Variants in HOMER1 observed in about 807,000 individuals in gnomAD.
HOMER1 encodes homer protein homolog 1.
A neutral mutation model predicts 48.9 loss-of-function variants in HOMER1; 3 were observed. The observed-to-expected ratio is 0.06, with a 90% CI of 0.03 to 0.16. HOMER1 has a LOEUF of 0.16. HOMER1 is among the 10% of genes least tolerant of loss of function. The probability of loss-of-function intolerance (pLI) is 1.00; values close to 1 mark genes in which losing one functional copy is unlikely to be tolerated. For synonymous variants in HOMER1, 134 were observed against 146.4 expected (o/e 0.92, Z 0.61); for missense variants, 247 against 411.4 (o/e 0.60, Z 3.46).
intron 8 of HOMER1, 66 bp from the exon 9 acceptor site, chr5:79,376,263 T>C (rs1296072172): frequency 2.6e-6 from 3 of 1,167,100 alleles, no homozygotes; most frequent in African/African-American, 1.5e-5. Context: ...TACAACTCTC[T>C]GTTATTACCA....
intron 5 of HOMER1, among the ~76,000 whole-genome samples, chr5:79,423,850 A>G (rs1750171415): frequency 6.6e-6 from 1 of 152,070 alleles, no homozygotes; most frequent in East Asian, 1.9e-4. Flanking sequence ...TGTGAACACG[A>G]CTAGTGGCAC....
At chr5:79,393,000 C>A (rs1749294248) in intron 8 of HOMER1, among the ~76,000 whole-genome samples, 1 of 132,772 alleles carries the variant, frequency 7.5e-6, no homozygotes. Context: ...GAGAGCCATC[C>A]AGAATAAAAC....
rs773810465 is a variant in HOMER1 at position 79,447,152 on chromosome 5, GTA to G, written c.295-9_295-8del. On this transcript the variant is annotated splice_region_variant and splice_polypyrimidine_tract_variant and intron_variant, in intron 3 of 8. Coordinates refer to ENST00000334082, the MANE Select transcript of HOMER1 (RefSeq NM_004272.5). ...CCTGAAACTTTTCTGCAAACTGAATGTATAGAGACTACATACATTAACCAAAT... is the reference window on the plus strand; with the variant it reads ...CCTGAAACTTTTCTGCAAACTGAATGTAGAGACTACATACATTAACCAAAT... The G allele has an allele frequency of 1.9e-6, 3 of 1,572,684 alleles. No individual in the cohort carries two copies. The highest frequency in any genetic ancestry group is 2.6e-6 in the Non-Finnish European group (3 of 1,143,186).
chr5:79,380,532 T>G (rs1203015574), intron 8 of HOMER1, among the ~76,000 whole-genome samples: 2 of 152,122 alleles, frequency 1.3e-5, no homozygotes, highest in African/African-American at 4.8e-5. Flanking sequence ...TTCCCACACA[T>G]CAGCCAAGGC....
intron 1 of HOMER1, among the ~76,000 whole-genome samples, chr5:79,507,400 T>C (rs533785592): frequency 6.6e-6 from 1 of 152,150 alleles, no homozygotes; most frequent in Non-Finnish European, 1.5e-5. Flanking sequence ...TTAACAGACC[T>C]GAAACTTTGC....
chr5:79,397,009 T>A (rs1466731574), intron 7 of HOMER1, 106 bp from the exon 8 acceptor site: 11 of 625,222 alleles, frequency 1.8e-5, no homozygotes, highest in Non-Finnish European at 3.0e-5. Context: ...AAGATGATTT[T>A]AAAAACATTC....
intron 1 of HOMER1, among the ~76,000 whole-genome samples, chr5:79,487,877 A>G (rs1179903530): frequency 6.6e-6 from 1 of 152,214 alleles, no homozygotes; most frequent in Non-Finnish European, 1.5e-5. Context: ...GTAAAATTAT[A>G]TGATACCTGG....
At chr5:79,431,419 TA>T (rs1253054177) in intron 5 of HOMER1, among the ~76,000 whole-genome samples, 1 of 152,098 alleles carries the variant, frequency 6.6e-6, no homozygotes, top group African/African-American at 2.4e-5. Context: ...GGCAAATCTA[TA>T]AAGACAGAAA....
intron 1 of HOMER1, among the ~76,000 whole-genome samples, chr5:79,484,045 C>CAA (rs34704866): frequency 0.3 from 21,415 of 71,916 alleles, 2,818 homozygotes; most frequent in East Asian, 0.48. Context: ...GACTCCATCT[C>CAA]AAAAAAAAAA....
At chr5:79,504,121 G>T (rs537126009) in intron 1 of HOMER1, among the ~76,000 whole-genome samples, 2 of 151,440 alleles carry the variant, frequency 1.3e-5, no homozygotes, top group South Asian at 4.2e-4. Flanking sequence ...TCATCACTTG[G>T]GTAAGGAAAA....
At chr5:79,476,464 A>G (rs1343872050) in intron 1 of HOMER1, among the ~76,000 whole-genome samples, 1 of 151,982 alleles carries the variant, frequency 6.6e-6, no homozygotes, top group East Asian at 1.9e-4. Context: ...AGTCCCCCAA[A>G]ACTGCCCTCT....
At chr5:79,405,934 T>C (rs932544691) in intron 5 of HOMER1, among the ~76,000 whole-genome samples, 2 of 152,224 alleles carry the variant, frequency 1.3e-5, no homozygotes, top group African/African-American at 2.4e-5. Flanking sequence ...TTTAAACTTA[T>C]CAGGCATGCA....
At chr5:79,510,674 G>T in intron 1 of HOMER1, 5 of 930,654 alleles carry the variant, frequency 5.4e-6, no homozygotes, top group Non-Finnish European at 8.7e-6. Flanking sequence ...GCCCAAGGAG[G>T]TTAAGCCCAA....
intron 5 of HOMER1, among the ~76,000 whole-genome samples, chr5:79,405,322 C>T (rs1378289670): frequency 1.3e-5 from 2 of 152,176 alleles, no homozygotes; most frequent in African/African-American, 4.8e-5. Flanking sequence ...GCCTCCAGAA[C>T]TATGAGAAAA....
intron 8 of HOMER1, among the ~76,000 whole-genome samples, chr5:79,393,889 G>A (rs187435277): frequency 6.6e-6 from 1 of 152,008 alleles, no homozygotes; most frequent in African/African-American, 2.4e-5. Context: ...ACAAAAAATG[G>A]TATCTATATC....
intron 5 of HOMER1, among the ~76,000 whole-genome samples, chr5:79,428,975 G>A (rs943381653): frequency 6.6e-6 from 1 of 152,176 alleles, no homozygotes; most frequent in Non-Finnish European, 1.5e-5. Flanking sequence ...AATTCATAGG[G>A]AAATTCTAGG....
Position 79,456,979 on chromosome 5 carries a change from T to C in HOMER1, c.45A>G (p.Gln15=), listed in dbSNP as rs35944172. The stretch of plus-strand genomic sequence containing the variant: ...AGTTCTTCTTTGTGTTTGGGTCAAT[T>C]TGGAAGACATGAGCTCGAGTGCTGA... The part of the protein sequence containing the change: ...PIFSTRAHVF[Q]IDPNTKKNWV... Residue 15 remains glutamine (Q), a synonymous_variant, in exon 2 of 9, where the codon CAA becomes CAG. Transcript: ENST00000334082. 66,682 of 1,613,720 alleles carry C rather than the reference T, an allele frequency of 0.041. 1,572 individuals are homozygous for C. Among genetic ancestry groups the C allele is most frequent in the African/African-American group, 0.075 (5,657 of 74,998 alleles).
In HOMER1 at chr5:79,374,090, A is replaced by T. The variant is rs1431595813; in HGVS notation, c.*1919T>A. ...CCTGATCCCTAGTGTTAAATCTCCT[A>T]TTTAAATTAAAACTTGGTGCTCTTT... is the stretch of plus-strand genomic sequence containing the variant. On this transcript the variant is annotated 3_prime_UTR_variant, in exon 9 of 9. Transcript: ENST00000334082. 2 of 152,374 alleles carry T rather than the reference A, an allele frequency of 1.3e-5. No individual in the cohort carries two copies. Among genetic ancestry groups the T allele is most frequent in the African/African-American group, 2.4e-5 (1 of 41,430 alleles). The allele number at this position is 152,374 out of a possible 1,614,324, so 9.4% of individuals were successfully genotyped here. A position where few individuals can be genotyped will look rare whatever the true frequency, so the allele number is the denominator to read the frequency against.
chr5:79,461,009 C>A (rs943153119), intron 1 of HOMER1, among the ~76,000 whole-genome samples: 1 of 152,076 alleles, frequency 6.6e-6, no homozygotes, highest in Non-Finnish European at 1.5e-5. Flanking sequence ...CAGATGCCTA[C>A]AGGGTTTGGA....
Sources: gnomAD v4.1 joint callset for allele counts (sites outside exome capture counted in the v4.1 genomes callset) on GRCh38, gnomAD v4.1.1 for gene constraint, MANE v1.5 for transcripts, NCBI Gene and HGNC (gene_info 2026-07-23, HGNC 2026-07-21) for gene names.